The following MYPN variants were observed in gnomAD, a reference collection of about 807,000 sequenced individuals.
The protein encoded by MYPN is sarcomeric protein myopalladin, 145 kDa (MYOP).
In MYPN, 63 loss-of-function variants were observed where a neutral mutation model predicts 129.4. That is an observed-to-expected ratio of 0.49 (90% CI 0.40 to 0.60). The LOEUF is 0.60. Ranked by LOEUF, MYPN falls within the 20% of genes least tolerant of loss-of-function variation. MYPN has a pLI of 0.00. For missense variants in MYPN, 1,596 were observed against 1,635.4 expected, an observed-to-expected ratio of 0.98 and a Z score of 0.42; for synonymous variants, 629 against 600.9, an observed-to-expected ratio of 1.05 and a Z score of -0.68.
intron 2 of MYPN, among the ~76,000 whole-genome samples, chr10:68,138,268 AT>A (rs2042519226): frequency 6.6e-6 from 1 of 151,510 alleles, no homozygotes; most frequent in Non-Finnish European, 1.5e-5. Flanking sequence ...ATGCCCACTA[AT>A]TTTTGTATTT....
At chr10:68,115,118 G>A (rs931656715) in intron 1 of MYPN, among the ~76,000 whole-genome samples, 2 of 152,034 alleles carry the variant, frequency 1.3e-5, no homozygotes, top group Non-Finnish European at 2.9e-5. Context: ...AATTAGCCAG[G>A]GGTGGTGGCA....
intron 1 of MYPN, among the ~76,000 whole-genome samples, chr10:68,095,875 G>A (rs956659877): frequency 1.3e-5 from 2 of 152,120 alleles, no homozygotes; most frequent in South Asian, 4.1e-4. Context: ...TGTACTCAAT[G>A]CCACAGAACT....
chr10:68,158,669 A>G, intron 7 of MYPN, 42 bp downstream of exon 7: 2 of 1,421,242 alleles, frequency 1.4e-6, no homozygotes, highest in Admixed American at 3.5e-5. Flanking sequence ...TTTTGTTTTT[A>G]TGAACTTATT....
At chr10:68,103,116 A>C (rs763872890), upstream of MYPN, among the ~76,000 whole-genome samples, 5 of 152,240 alleles carry the variant, frequency 3.3e-5, no homozygotes, top group Non-Finnish European at 5.9e-5. Context: ...AGGTCTTCCT[A>C]CTGCCTTTAT....
At chr10:68,152,563 T>C (rs527434870) in intron 6 of MYPN, among the ~76,000 whole-genome samples, 5 of 152,224 alleles carry the variant, frequency 3.3e-5, no homozygotes, top group Admixed American at 1.3e-4. Flanking sequence ...TAGGAGTCCA[T>C]AGAGGCAACA....
rs2134357977 is a variant in MYPN at position 68,210,468 on chromosome 10, A to G, written c.*13A>G. The G allele has an allele frequency of 1.9e-6, 3 of 1,613,866 alleles. No individual in the cohort carries two copies. Among genetic ancestry groups the G allele is most frequent in the South Asian group, 1.1e-5 (1 of 91,074 alleles). On this transcript the variant is annotated 3_prime_UTR_variant, in exon 20 of 20. Coordinates refer to ENST00000358913, the MANE Select transcript of MYPN (RefSeq NM_032578.4). ...TGATGAACTTTAAGAATGTCTAGGT[A>G]CCTGCTGTGTAAGAGAGCGGACTGT...
chr10:68,158,376 G>C, intron 6 of MYPN, 110 bp from the exon 7 acceptor site: 1 of 1,065,924 alleles, frequency 9.4e-7, no homozygotes. Flanking sequence ...AGATGCTTTG[G>C]AGAAAAATCC....
chr10:68,105,486 C>A (rs906773347), upstream of MYPN, among the ~76,000 whole-genome samples: 1 of 152,182 alleles, frequency 6.6e-6, no homozygotes, highest in Admixed American at 6.5e-5. Context: ...TACATGGTAA[C>A]AATTGTTCCA....
chr10:68,169,038 T>A (rs2043099523), intron 10 of MYPN, among the ~76,000 whole-genome samples: 1 of 146,780 alleles, frequency 6.8e-6, no homozygotes, highest in Non-Finnish European at 1.5e-5. Context: ...TTCATGAGAT[T>A]TTATGGCTTG....
At chr10:68,185,079 T>C (rs1163061107) in intron 12 of MYPN, among the ~76,000 whole-genome samples, 3 of 144,884 alleles carry the variant, frequency 2.1e-5, no homozygotes, top group Non-Finnish European at 4.5e-5. Flanking sequence ...CCAGGGCAGG[T>C]GGATTGCTTG....
chr10:68,168,497 A>G (rs984590936), intron 10 of MYPN, among the ~76,000 whole-genome samples: 5 of 152,224 alleles, frequency 3.3e-5, no homozygotes, highest in African/African-American at 9.6e-5. Context: ...TACAGTCTCC[A>G]GAGGTCCTGA....
chr10:68,198,060 G>A (rs1018796707), intron 16 of MYPN, among the ~76,000 whole-genome samples: 23 of 152,162 alleles, frequency 1.5e-4, no homozygotes, highest in African/African-American at 4.6e-4. Flanking sequence ...TCAGATTGTG[G>A]TTGACCTCGG....
chr10:68,103,907 A>C (rs1033457217), upstream of MYPN, among the ~76,000 whole-genome samples: 2 of 152,206 alleles, frequency 1.3e-5, no homozygotes, highest in African/African-American at 4.8e-5. Flanking sequence ...CTGAGACCGC[A>C]CCATTGCACT....
intron 2 of MYPN, among the ~76,000 whole-genome samples, chr10:68,138,918 G>C (rs1172200679): frequency 2.0e-5 from 3 of 151,968 alleles, no homozygotes; most frequent in Non-Finnish European, 4.4e-5. Context: ...TAAAGTTGAT[G>C]ACACCATTTT....
rs143483813 is a variant in MYPN, at chr10:68,171,737, C to T, written c.1974-2329C>T. Among the ~76,000 whole-genome samples the T allele has an allele frequency of 1.3e-4, 20 of 152,298 alleles. No homozygotes were observed. In the East Asian group the frequency reaches 2.7e-3, roughly 21 times the overall value. On this transcript the variant is annotated intron_variant, in intron 10 of 19. Transcript: ENST00000358913. ...GCAGATTTACTCAGAACTAGTTTTC[C>T]AAGTCAGTGATGCACTGGCAAATGT...
intron 1 of MYPN, among the ~76,000 whole-genome samples, chr10:68,094,295 G>A (rs967031168): frequency 7.3e-5 from 11 of 150,334 alleles, no homozygotes; most frequent in Admixed American, 5.3e-4. Context: ...ATGGAGTTTC[G>A]CTCTTGTTGC....
At chr10:68,176,837 C>T (rs1271957734) in intron 12 of MYPN, among the ~76,000 whole-genome samples, 3 of 152,216 alleles carry the variant, frequency 2.0e-5, no homozygotes, top group African/African-American at 7.2e-5. Flanking sequence ...GATACTCTCA[C>T]ATTTTCCCTG....
chr10:68,138,142 G>A (rs996356313), intron 2 of MYPN, among the ~76,000 whole-genome samples: 2 of 145,794 alleles, frequency 1.4e-5, no homozygotes, highest in African/African-American at 5.1e-5. Flanking sequence ...GTCTCACGTC[G>A]TGCAGGCTGG....
intron 7 of MYPN, 138 bp from the exon 8 acceptor site, chr10:68,161,587 TCTTA>T (rs947101214): frequency 4.4e-5 from 29 of 655,496 alleles, no homozygotes; most frequent in African/African-American, 4.0e-4. Flanking sequence ...GTTGAGATCA[TCTTA>T]CTTAATATTG....
Sources: allele counts gnomAD v4.1 joint callset (sites outside exome capture counted in the v4.1 genomes callset), GRCh38; gene constraint gnomAD v4.1.1; transcripts MANE v1.5; gene names NCBI Gene and HGNC (gene_info 2026-07-23, HGNC 2026-07-21).